The following POU6F2 variants were observed in gnomAD, a reference collection of about 807,000 sequenced individuals.
The protein encoded by POU6F2 is POU class 6 homeobox 2.
In POU6F2, 31 loss-of-function variants were observed where a neutral mutation model predicts 71.3. The observed-to-expected ratio is 0.43, with a 90% CI of 0.33 to 0.59. POU6F2 has a LOEUF of 0.59. Ranked by LOEUF, POU6F2 falls within the 20% of genes least tolerant of loss-of-function variation. POU6F2 has a pLI of 0.04. For synonymous variants in POU6F2, 347 were observed against 355.7 expected (o/e 0.98, Z 0.27); for missense variants, 783 against 856.8 (o/e 0.91, Z 1.07).
intron 1 of POU6F2, among the ~76,000 whole-genome samples, chr7:39,015,183 A>T (rs1440515433): frequency 6.7e-6 from 1 of 149,406 alleles, no homozygotes; most frequent in Non-Finnish European, 1.5e-5. Context: ...TTTTAAAAAA[A>T]GATGGCTATT....
chr7:39,107,676 AC>A (rs1204279086), intron 2 of POU6F2, among the ~76,000 whole-genome samples: 1 of 151,854 alleles, frequency 6.6e-6, no homozygotes, highest in African/African-American at 2.4e-5. Flanking sequence ...TAGTGGAACC[AC>A]CCCCCGCCCC....
intron 2 of POU6F2, among the ~76,000 whole-genome samples, chr7:39,116,243 G>A (rs1312122982): frequency 1.3e-5 from 2 of 152,012 alleles, no homozygotes; most frequent in Non-Finnish European, 2.9e-5. Context: ...AAATTATCTG[G>A]GCATGGTGGC....
chr7:39,315,588 C>T (rs577785171), intron 4 of POU6F2, among the ~76,000 whole-genome samples: 2 of 152,242 alleles, frequency 1.3e-5, no homozygotes, highest in South Asian at 4.1e-4. Flanking sequence ...TCTGAGTGGC[C>T]CCTCATCATA....
At chr7:39,064,948 G>A (rs1007468356) in intron 1 of POU6F2, among the ~76,000 whole-genome samples, 1 of 151,824 alleles carries the variant, frequency 6.6e-6, no homozygotes, top group Admixed American at 6.6e-5. Context: ...AAGTCAATGC[G>A]AAGTTGATTA....
rs959683799 is a variant in POU6F2 at position 39,253,124 on chromosome 7, C to T, written c.598+45504C>T. ...TCTCCAGCACAGAGGAAAGAACCCA[C>T]GCAGAGGCAGAAATATTTGTTAAAT... On this transcript the variant is annotated intron_variant, in intron 4 of 9. Coordinates refer to ENST00000518318, the MANE Select transcript of POU6F2 (RefSeq NM_001370959.1). Among the ~76,000 whole-genome samples the T allele has an allele frequency of 5.9e-5, 9 of 152,208 alleles. No homozygotes were observed. The South Asian group carries it at 1.7e-3, about 28-fold the overall frequency.
chr7:39,183,787 T>C (rs1171973082), intron 2 of POU6F2, among the ~76,000 whole-genome samples: 1 of 152,258 alleles, frequency 6.6e-6, no homozygotes, highest in Non-Finnish European at 1.5e-5. Context: ...CCTTTTTCTA[T>C]AGCTTCCATT....
rs1788692147 is a variant in POU6F2 at position 39,452,779 on chromosome 7, G to C, written c.1489+1078G>C. ...TGGGTGGGGAAGAAAATGGAATGAG[G>C]CATTATGGAAAGATGTTAAAATGCC... On this transcript the variant is annotated intron_variant, in intron 8 of 9. Coordinates refer to ENST00000518318, the MANE Select transcript of POU6F2 (RefSeq NM_001370959.1). 3.3e-5 allele frequency among the ~76,000 whole-genome samples: 5 copies of C among 152,332 alleles called. No individual in the cohort carries two copies. In the South Asian group the frequency reaches 1.0e-3, roughly 32 times the overall value.
intron 1 of POU6F2, among the ~76,000 whole-genome samples, chr7:39,001,695 T>C (rs1788914581): frequency 6.6e-6 from 1 of 151,690 alleles, no homozygotes; most frequent in Non-Finnish European, 1.5e-5. Context: ...GGTGATATGA[T>C]GTTGATGGTG....
chr7:39,120,823 T>C (rs1792026141), intron 2 of POU6F2: 1 of 152,228 alleles, frequency 6.6e-6, no homozygotes, highest in Non-Finnish European at 1.5e-5. Context: ...TCCTTTATAC[T>C]TTTCAAAAGC....
At position 39,061,299 on chromosome 7, in the gene POU6F2, A is replaced by C. The variant is rs115175835; in HGVS notation, c.106-24561A>C. On this transcript the variant is annotated intron_variant, in intron 1 of 9. Transcript: ENST00000518318. ...TATGAAGAAAGCAAGAAACATGCAG[A>C]TATGTAGTTGGAAAAGGAAGGAGTA... Among the ~76,000 whole-genome samples, 971 of 152,280 alleles carry C rather than the reference A, an allele frequency of 6.4e-3. 6 individuals are homozygous for C. Among genetic ancestry groups the C allele is most frequent in the Middle Eastern group, 0.024 (7 of 294 alleles).
At position 39,293,498 on chromosome 7, in the gene POU6F2, C is replaced by T. The variant is rs185610085; in HGVS notation, c.599-46144C>T. On this transcript the variant is annotated intron_variant, in intron 4 of 9. Transcript: ENST00000518318. The stretch of plus-strand genomic sequence containing the variant: ...TGAATTTATTTTCCTTTCTTCATTC[C>T]TTTTTGTTGTCCGGCTCTTCCTTTG... 3.3e-3 allele frequency among the ~76,000 whole-genome samples: 498 copies of T among 151,174 alleles called. 3 individuals carry two copies. The highest frequency in any genetic ancestry group is 0.011 in the African/African-American group (457 of 41,392).
chr7:39,361,203 A>G (rs1391482896), intron 5 of POU6F2, among the ~76,000 whole-genome samples: 1 of 152,230 alleles, frequency 6.6e-6, no homozygotes. Flanking sequence ...GCATAAATGT[A>G]GCTGTGAGCT....
intron 2 of POU6F2, among the ~76,000 whole-genome samples, chr7:39,173,467 A>T (rs937562501): frequency 5.3e-5 from 8 of 152,240 alleles, no homozygotes; most frequent in African/African-American, 1.9e-4. Context: ...CCACGGAGAC[A>T]GTGCTCAATA....
chr7:39,150,304 T>A (rs1273216175), intron 2 of POU6F2, among the ~76,000 whole-genome samples: 2 of 151,400 alleles, frequency 1.3e-5, no homozygotes, highest in African/African-American at 4.9e-5. Context: ...TGACTAATGC[T>A]GCAATGAACA....
chr7:39,087,155 AATTAATTTATTTATTT>A (rs1248803099), intron 2 of POU6F2, among the ~76,000 whole-genome samples: 618 of 52,282 alleles, frequency 0.012, 2 homozygotes, highest in African/African-American at 0.052. Flanking sequence ...TTAATTAATT[AATTAATTTATTTATTT>A]ATTTATTTAT....
chr7:39,467,008 A>C lies in POU6F2; in HGVS notation c.*2322A>C, dbSNP rs1213835412. The C allele has an allele frequency of 1.3e-5, 2 of 152,218 alleles. No individual in the cohort carries two copies. The highest frequency in any genetic ancestry group is 1.5e-5 in the Non-Finnish European group (1 of 68,036). 9.4% of individuals were successfully genotyped at this position (152,218 alleles called of 1,614,324 possible). ...ACATATGATGGATGCTAAATATTTA[A>C]ATATATGCCGGCAGCGGTTACATAA... On this transcript the variant is annotated 3_prime_UTR_variant, in exon 10 of 10. Transcript: ENST00000518318.
At chr7:39,279,109 G>A (rs967553957) in intron 4 of POU6F2, among the ~76,000 whole-genome samples, 1 of 152,074 alleles carries the variant, frequency 6.6e-6, no homozygotes, top group Non-Finnish European at 1.5e-5. Context: ...ATTCAGAATC[G>A]GCTCCAGCCA....
intron 5 of POU6F2, among the ~76,000 whole-genome samples, chr7:39,386,193 T>G (rs1315542915): frequency 6.6e-6 from 1 of 151,746 alleles, no homozygotes; most frequent in East Asian, 1.9e-4. Context: ...CCCGTGGGGC[T>G]GCCAGAGATG....
chr7:39,016,021 T>A lies in POU6F2; in HGVS notation c.105+37963T>A, dbSNP rs1562671170. Among the ~76,000 whole-genome samples, 9 of 88,354 alleles carry A rather than the reference T, an allele frequency of 1.0e-4. 2 individuals carry two copies. The highest frequency in any genetic ancestry group is 2.7e-4 in the African/African-American group (6 of 22,416). 58.0% of individuals were successfully genotyped at this position (88,354 alleles called of 152,430 possible). ...ATAGATATATATTATATATTATATATATTATATATAGATATATATTATATA... is the reference window on the plus strand; with the variant it reads ...ATAGATATATATTATATATTATATAAATTATATATAGATATATATTATATA... On this transcript the variant is annotated intron_variant, in intron 1 of 9. Coordinates refer to ENST00000518318, the MANE Select transcript of POU6F2 (RefSeq NM_001370959.1).
Sources: gnomAD v4.1 joint callset for allele counts (sites outside exome capture counted in the v4.1 genomes callset) on GRCh38, gnomAD v4.1.1 for gene constraint, MANE v1.5 for transcripts, NCBI Gene and HGNC (gene_info 2026-07-23, HGNC 2026-07-21) for gene names.